SDK1: variants seen among roughly 807,000 people sequenced by gnomAD.
SDK1 encodes sidekick cell adhesion molecule 1.
SDK1 carries 157 observed loss-of-function variants against 245.5 expected under a neutral mutation model. The ratio of observed to expected loss-of-function variants is 0.64; its 90% CI spans 0.56 to 0.73. The LOEUF (loss-of-function observed/expected upper bound fraction) is 0.73, where lower values mean the gene tolerates loss of function less well. SDK1 is among the 30% of genes least tolerant of loss of function. The pLI, the probability that SDK1 is intolerant of heterozygous loss-of-function variation, is 0.00. For synonymous variants in SDK1, 1,647 were observed against 1,278.5 expected, an observed-to-expected ratio of 1.29 and a Z score of -6.15; for missense variants, 3,583 against 3,002.3, an observed-to-expected ratio of 1.19 and a Z score of -4.52.
intron 28 of SDK1, among the ~76,000 whole-genome samples, chr7:4,138,082 A>G (rs544436883): frequency 2.0e-5 from 3 of 152,348 alleles, no homozygotes; most frequent in African/African-American, 4.8e-5. Flanking sequence ...GAAGGTACAA[A>G]TAGAACACAC....
intron 1 of SDK1, among the ~76,000 whole-genome samples, chr7:3,335,102 A>G (rs984581040): frequency 1.5e-4 from 23 of 152,226 alleles, no homozygotes; most frequent in Non-Finnish European, 4.4e-5. Context: ...CCAGGCCACC[A>G]TCATCACTAA....
chr7:3,579,413 A>G (rs890167434), intron 1 of SDK1, among the ~76,000 whole-genome samples: 3 of 152,252 alleles, frequency 2.0e-5, no homozygotes, highest in African/African-American at 4.8e-5. Flanking sequence ...AAACAGAACT[A>G]AAGACAAAAA....
At chr7:3,671,143 A>G (rs144697858) in intron 4 of SDK1, among the ~76,000 whole-genome samples, 113 of 152,266 alleles carry the variant, frequency 7.4e-4, no homozygotes, top group African/African-American at 2.6e-3. Flanking sequence ...TATCCAAGTC[A>G]TTACTCAGTA....
chr7:3,405,814 C>CTTTCT (rs1779037444), intron 1 of SDK1, among the ~76,000 whole-genome samples: 3 of 125,394 alleles, frequency 2.4e-5, no homozygotes, highest in African/African-American at 9.2e-5. Flanking sequence ...TTCTTTCTTT[C>CTTTCT]TTTTTTTTTT....
At chr7:3,899,064 G>C (rs1180073485) in intron 5 of SDK1, among the ~76,000 whole-genome samples, 1 of 152,068 alleles carries the variant, frequency 6.6e-6, no homozygotes, top group Non-Finnish European at 1.5e-5. Context: ...TTCCATTTAA[G>C]TCATGAGAAA....
chr7:3,600,460 G>C (rs886860180), intron 1 of SDK1, among the ~76,000 whole-genome samples: 1 of 151,916 alleles, frequency 6.6e-6, no homozygotes, highest in Non-Finnish European at 1.5e-5. Context: ...ATGTTGAATA[G>C]GAGTGATGAG....
At chr7:3,496,786 C>G (rs924770314) in intron 1 of SDK1, among the ~76,000 whole-genome samples, 12 of 152,168 alleles carry the variant, frequency 7.9e-5, no homozygotes, top group Non-Finnish European at 1.8e-4. Flanking sequence ...TCAATTTAGT[C>G]TAGTGGAGGT....
chr7:3,885,493 A>G (rs1484927859), intron 5 of SDK1, among the ~76,000 whole-genome samples: 1 of 152,114 alleles, frequency 6.6e-6, no homozygotes, highest in Non-Finnish European at 1.5e-5. Context: ...CGTGTCACTT[A>G]CTAAGAACCC....
chr7:3,878,370 A>G (rs534233855), intron 5 of SDK1, among the ~76,000 whole-genome samples: 1 of 152,144 alleles, frequency 6.6e-6, no homozygotes, highest in Admixed American at 6.5e-5. Flanking sequence ...AATACAAAAA[A>G]ATTAGCTGGG....
At chr7:4,154,541 C>T (rs1203322076) in intron 30 of SDK1, among the ~76,000 whole-genome samples, 3 of 151,972 alleles carry the variant, frequency 2.0e-5, no homozygotes, top group South Asian at 4.2e-4. Context: ...GTGAGGGCTC[C>T]GGGGTGGGGG....
At chr7:3,494,734 G>A (rs991620048) in intron 1 of SDK1, among the ~76,000 whole-genome samples, 6 of 152,198 alleles carry the variant, frequency 3.9e-5, no homozygotes, top group African/African-American at 1.4e-4. Flanking sequence ...TTAACATTGT[G>A]TTTGAGAGCA....
At chr7:4,062,429 A>G (rs1024323305) in intron 19 of SDK1, among the ~76,000 whole-genome samples, 1 of 152,218 alleles carries the variant, frequency 6.6e-6, no homozygotes, top group Non-Finnish European at 1.5e-5. Flanking sequence ...TAAAATCTGA[A>G]CAGACTAATA....
intron 4 of SDK1, among the ~76,000 whole-genome samples, chr7:3,798,353 G>A (rs1291624379): frequency 6.6e-6 from 1 of 151,582 alleles, no homozygotes; most frequent in Admixed American, 6.6e-5. Context: ...GAGTAGCTGG[G>A]ACTACAGGCG....
At chr7:3,578,416 T>G (rs189598694) in intron 1 of SDK1, among the ~76,000 whole-genome samples, 1 of 152,076 alleles carries the variant, frequency 6.6e-6, no homozygotes, top group African/African-American at 2.4e-5. Context: ...TAAGGGTCTA[T>G]GTTCAGCTGT....
At chr7:4,101,442 C>T (rs1053193206) in intron 22 of SDK1, among the ~76,000 whole-genome samples, 9 of 152,152 alleles carry the variant, frequency 5.9e-5, no homozygotes, top group East Asian at 5.8e-4. Context: ...CCACCGCACC[C>T]GGCGGAAAAA....
At chr7:3,955,662 A>C (rs1417946982) in intron 7 of SDK1, among the ~76,000 whole-genome samples, 2 of 152,194 alleles carry the variant, frequency 1.3e-5, no homozygotes, top group Non-Finnish European at 2.9e-5. Context: ...CGCAGGAAAC[A>C]TCTTTGGATC....
chr7:3,667,925 A>C (rs539388157), intron 4 of SDK1, among the ~76,000 whole-genome samples: 47 of 152,352 alleles, frequency 3.1e-4, no homozygotes, highest in African/African-American at 1.1e-3. Context: ...ATATGTTTGC[A>C]CATGAACATA....
chr7:4,174,406 AC>A (rs1161931816), intron 33 of SDK1, 49 bp downstream of exon 33: 1 of 1,589,902 alleles, frequency 6.3e-7, no homozygotes. Context: ...TTCCCAGGGG[AC>A]CCTTGGTATC....
chr7:3,700,387 A>G (rs943955083), intron 4 of SDK1, among the ~76,000 whole-genome samples: 4 of 152,222 alleles, frequency 2.6e-5, no homozygotes, highest in Non-Finnish European at 5.9e-5. Flanking sequence ...TGTAGTTCAC[A>G]GTGATATAGA....
Sources: gnomAD v4.1 joint callset for allele counts (sites outside exome capture counted in the v4.1 genomes callset) on GRCh38, gnomAD v4.1.1 for gene constraint, MANE v1.5 for transcripts, NCBI Gene and HGNC (gene_info 2026-07-23, HGNC 2026-07-21) for gene names.